The following DPP8 variants were observed in gnomAD, a reference collection of about 807,000 sequenced individuals.
The protein encoded by DPP8 is DPP VIII.
DPP8 carries 31 observed loss-of-function variants against 107.5 expected under a neutral mutation model. That is an observed-to-expected ratio of 0.29 (90% CI 0.22 to 0.39). DPP8 has a LOEUF of 0.39. Ranked by LOEUF, DPP8 falls within the 10% of genes least tolerant of loss-of-function variation. The pLI, the probability that DPP8 is intolerant of heterozygous loss-of-function variation, is 1.00. For synonymous variants in DPP8, 381 were observed against 356.6 expected (o/e 1.07, Z -0.77); for missense variants, 842 against 1,076.1 (o/e 0.78, Z 3.04).
intron 1 of DPP8, chr15:65,515,691 A>T: frequency 5.6e-6 from 9 of 1,613,732 alleles, no homozygotes; most frequent in Non-Finnish European, 7.6e-6. Context: ...TCTCTTCCAC[A>T]TTCAAAGAGA....
At chr15:65,494,956 C>T (rs1257330139) in intron 5 of DPP8, among the ~76,000 whole-genome samples, 4 of 152,182 alleles carry the variant, frequency 2.6e-5, no homozygotes, top group Admixed American at 1.3e-4. Context: ...TCCAGAACAA[C>T]TTATCGACAA....
chr15:65,479,171 A>G (rs560835856), intron 10 of DPP8, 132 bp from the exon 11 acceptor site: 38 of 560,566 alleles, frequency 6.8e-5, no homozygotes, highest in Non-Finnish European at 1.1e-4. Context: ...GGAATGCTAT[A>G]TTTACAGTAA....
chr15:65,443,919 T>C lies in DPP8; in HGVS notation c.*2965A>G, dbSNP rs2063392949. On this transcript the variant is annotated 3_prime_UTR_variant, in exon 20 of 20. Coordinates refer to ENST00000300141, the MANE Select transcript of DPP8 (RefSeq NM_130434.5). ...CAAATCAATGGAATACAAATTTTTA[T>C]TTATTTATTTATTTTGAGGCAGAAT... 1 of 152,110 alleles carries C rather than the reference T, an allele frequency of 6.6e-6. No individual in the cohort carries two copies. Among genetic ancestry groups the C allele is most frequent in the African/African-American group, 2.4e-5 (1 of 41,434 alleles). 9.4% of individuals were successfully genotyped at this position (152,110 alleles called of 1,614,324 possible).
chr15:65,508,078 A>C (rs1228090697), intron 2 of DPP8, among the ~76,000 whole-genome samples: 1 of 151,530 alleles, frequency 6.6e-6, no homozygotes, highest in Non-Finnish European at 1.5e-5. Flanking sequence ...TCTGTACTAA[A>C]AATACAAAAA....
At chr15:65,448,404 G>A (rs1230943468) in intron 19 of DPP8, among the ~76,000 whole-genome samples, 1 of 151,420 alleles carries the variant, frequency 6.6e-6, no homozygotes, top group African/African-American at 2.4e-5. Context: ...TGGGCACGGT[G>A]GCTCATGCCT....
At chr15:65,479,784 C>T (rs1362586458) in intron 10 of DPP8, among the ~76,000 whole-genome samples, 1 of 136,936 alleles carries the variant, frequency 7.3e-6, no homozygotes, top group Non-Finnish European at 1.5e-5. Context: ...GCGGAGCTTG[C>T]AGTGAGCCGA....
intron 19 of DPP8, among the ~76,000 whole-genome samples, chr15:65,449,414 C>T (rs1255141662): frequency 1.3e-5 from 2 of 151,184 alleles, no homozygotes; most frequent in African/African-American, 4.9e-5. Flanking sequence ...ATACTCCTCC[C>T]ATTTCCTTTT....
chr15:65,476,294 TTAAA>T (rs1292553578), intron 11 of DPP8, among the ~76,000 whole-genome samples: 1 of 152,128 alleles, frequency 6.6e-6, no homozygotes, highest in African/African-American at 2.4e-5. Context: ...ATTTAGTACT[TTAAA>T]TACTATAGAC....
intron 12 of DPP8, among the ~76,000 whole-genome samples, chr15:65,469,134 C>T (rs1027841317): frequency 3.3e-5 from 5 of 151,996 alleles, no homozygotes; most frequent in Non-Finnish European, 7.4e-5. Flanking sequence ...TACCACCACG[C>T]CTGGCTAATT....
At chr15:65,456,892 A>C (rs771513576) in intron 15 of DPP8, among the ~76,000 whole-genome samples, 1 of 152,092 alleles carries the variant, frequency 6.6e-6, no homozygotes, top group Non-Finnish European at 1.5e-5. Flanking sequence ...TGTCAACACT[A>C]TCAAGTTGGT....
intron 15 of DPP8, among the ~76,000 whole-genome samples, chr15:65,458,126 C>A (rs2064593475): frequency 6.6e-6 from 1 of 152,196 alleles, no homozygotes; most frequent in African/African-American, 2.4e-5. Context: ...CCTTTTGGCA[C>A]TGGGAATCCA....
chr15:65,450,950 C>T, intron 19 of DPP8, 49 bp downstream of exon 19: 1 of 1,138,030 alleles, frequency 8.8e-7, no homozygotes, highest in Non-Finnish European at 1.3e-6. Flanking sequence ...TCAAAGTAAT[C>T]AATCACTAAT....
Position 65,515,999 on chromosome 15 carries a change from T to C in DPP8, c.-12+1487A>G, listed in dbSNP as rs2071399130. On this transcript the variant is annotated intron_variant, in intron 1 of 19. Coordinates refer to ENST00000300141, the MANE Select transcript of DPP8 (RefSeq NM_130434.5). The stretch of plus-strand genomic sequence containing the variant: ...TTTATTTCAGAGATGTGTAGCCCAA[T>C]ATAGTCAAAAGAATATCCTAACATA... 1.8e-5 allele frequency: 8 copies of C among 443,658 alleles called. No homozygotes were observed. In the South Asian group the frequency reaches 5.2e-4, roughly 29 times the overall value. The allele number at this position is 443,658 out of a possible 1,614,324, so 27.5% of individuals were successfully genotyped here.
intron 2 of DPP8, 186 bp downstream of exon 2, chr15:65,512,109 C>A: frequency 2.7e-6 from 2 of 728,286 alleles, no homozygotes; most frequent in Non-Finnish European, 4.8e-6. Flanking sequence ...GACTTGTTAC[C>A]TACAAGTAAA....
chr15:65,461,951 A>G (rs139931588), intron 15 of DPP8, among the ~76,000 whole-genome samples: 99 of 150,734 alleles, frequency 6.6e-4, no homozygotes, highest in African/African-American at 2.2e-3. Context: ...AGCTTTAACC[A>G]GAAGTCTAAA....
chr15:65,457,512 C>T (rs767797377), intron 15 of DPP8, among the ~76,000 whole-genome samples: 25 of 151,230 alleles, frequency 1.7e-4, no homozygotes, highest in Non-Finnish European at 3.2e-4. Context: ...TACAGGTGTG[C>T]ACCACCATGC....
intron 17 of DPP8, 76 bp downstream of exon 17, chr15:65,454,187 G>T: frequency 6.3e-5 from 57 of 898,788 alleles, no homozygotes; most frequent in Non-Finnish European, 7.8e-5. Flanking sequence ...TCAGAAAATA[G>T]ACATTTTCAT....
chr15:65,480,090 A>G (rs1219766700), intron 10 of DPP8, 132 bp downstream of exon 10: 1 of 698,036 alleles, frequency 1.4e-6, no homozygotes, highest in Non-Finnish European at 2.3e-6. Context: ...CCAATTGGAA[A>G]TGCTCATACT....
chr15:65,512,372 G>A lies in DPP8; in HGVS notation c.182C>T (p.Ala61Val). The change falls in exon 2 of 20, where the codon GCT (alanine) becomes GTT (valine). Residue 61 changes from alanine to valine, a missense_variant. Physicochemically the swap from Ala to Val is moderately conservative, Grantham distance 64. Transcript: ENST00000300141. ...AAACATGAAATCATGTGGTGCCTTA[G>A]CCATCATGTAGCCATGATATTTTCT... Reference protein sequence around the residue: ...DTRKYHGYMMAKAPHDFMFVK... With the variant: ...DTRKYHGYMMVKAPHDFMFVK... The A allele has an allele frequency of 6.2e-7, 1 of 1,613,956 alleles. No individual in the cohort carries two copies. Among genetic ancestry groups the A allele is most frequent in the Non-Finnish European group, 8.5e-7 (1 of 1,179,908 alleles).
Sources: gnomAD v4.1 joint callset for allele counts (sites outside exome capture counted in the v4.1 genomes callset) on GRCh38, gnomAD v4.1.1 for gene constraint, MANE v1.5 for transcripts, NCBI Gene and HGNC (gene_info 2026-07-23, HGNC 2026-07-21) for gene names.